PDE1A: variants seen among roughly 807,000 people sequenced by gnomAD.
PDE1A encodes phosphodiesterase 1A.
Under a neutral mutation model 61.7 loss-of-function variants are expected in PDE1A, and 35 were observed. The observed-to-expected ratio is 0.57, with a 90% confidence interval of 0.43 to 0.75. The LOEUF is 0.75. PDE1A is among the 30% of genes least tolerant of loss of function. PDE1A has a pLI of 0.00. For synonymous variants in PDE1A, 232 were observed against 213.2 expected, an observed-to-expected ratio of 1.09 and a Z score of -0.77; for missense variants, 597 against 630.6, an observed-to-expected ratio of 0.95 and a Z score of 0.57.
At chr2:182,483,349 C>T (rs979936854) in intron 2 of PDE1A, among the ~76,000 whole-genome samples, 1 of 151,854 alleles carries the variant, frequency 6.6e-6, no homozygotes, top group African/African-American at 2.4e-5. Context: ...GAGAGCACTC[C>T]ACCCAACAAA....
chr2:182,684,973 A>T, the PDE1A span, among the ~76,000 whole-genome samples: 3 of 151,952 alleles, frequency 2.0e-5, no homozygotes, highest in Non-Finnish European at 4.4e-5. Flanking sequence ...CAGCAGAAAG[A>T]AGAGGAGATT....
chr2:182,407,740 T>C (rs992366682), intron 1 of PDE1A, among the ~76,000 whole-genome samples: 1 of 152,136 alleles, frequency 6.6e-6, no homozygotes, highest in African/African-American at 2.4e-5. Context: ...AAAACAGAAC[T>C]TGACCAACCA....
the PDE1A span, among the ~76,000 whole-genome samples, chr2:182,679,299 T>TTA: frequency 6.6e-6 from 1 of 151,148 alleles, no homozygotes; most frequent in African/African-American, 2.4e-5. Context: ...TTCTCCAGCC[T>TTA]TAGCCTCCCA....
chr2:182,437,464 G>C (rs13407156), intron 2 of PDE1A, among the ~76,000 whole-genome samples: 28,050 of 151,746 alleles, frequency 0.18, 2,686 homozygotes, highest in Middle Eastern at 0.32. Flanking sequence ...GACTTGTAAA[G>C]CTAAGAGTTA....
chr2:182,628,620 G>A, the PDE1A span, among the ~76,000 whole-genome samples: 2 of 151,964 alleles, frequency 1.3e-5, no homozygotes, highest in African/African-American at 2.4e-5. Context: ...GTAGAAATAC[G>A]TATTACTAAT....
chr2:182,218,891 T>G (rs1442913083), intron 7 of PDE1A, among the ~76,000 whole-genome samples: 2 of 152,090 alleles, frequency 1.3e-5, no homozygotes, highest in Non-Finnish European at 2.9e-5. Flanking sequence ...TCCTTCTGAT[T>G]TGTAATCCAG....
intron 1 of PDE1A, among the ~76,000 whole-genome samples, chr2:182,324,892 C>T (rs558336601): frequency 2.6e-5 from 4 of 152,292 alleles, no homozygotes; most frequent in South Asian, 2.1e-4. Flanking sequence ...GTGTTTATTA[C>T]GTGCCAGTTG....
intron 10 of PDE1A, 46 bp from the exon 11 acceptor site, chr2:182,189,106 T>C (rs1685484308): frequency 8.0e-7 from 1 of 1,251,792 alleles, no homozygotes; most frequent in Non-Finnish European, 1.2e-6. Flanking sequence ...TTGGAGAAGC[T>C]AAAATAATGA....
intron 2 of PDE1A, among the ~76,000 whole-genome samples, chr2:182,479,596 T>C (rs886898043): frequency 6.6e-6 from 1 of 151,586 alleles, no homozygotes; most frequent in African/African-American, 2.4e-5. Context: ...GATCTAGTCC[T>C]AAAGGATAAA....
chr2:182,628,000 T>C, the PDE1A span, among the ~76,000 whole-genome samples: 1 of 151,936 alleles, frequency 6.6e-6, no homozygotes, highest in Middle Eastern at 3.4e-3. Context: ...ATTCAAATTA[T>C]TTATAATGCT....
chr2:182,573,957 T>TAA, the PDE1A span, among the ~76,000 whole-genome samples: 2 of 119,222 alleles, frequency 1.7e-5, no homozygotes, highest in Admixed American at 1.9e-4. Flanking sequence ...TTATATATAT[T>TAA]TATATATTTT....
chr2:182,564,587 T>C, the PDE1A span, among the ~76,000 whole-genome samples: 4 of 152,178 alleles, frequency 2.6e-5, no homozygotes, highest in Non-Finnish European at 4.4e-5. Flanking sequence ...TTCCTGAATC[T>C]GAATGTTGGC....
At chr2:182,285,806 G>A (rs950372497) in intron 1 of PDE1A, among the ~76,000 whole-genome samples, 1 of 152,086 alleles carries the variant, frequency 6.6e-6, no homozygotes, top group African/African-American at 2.4e-5. Flanking sequence ...CCTGGAGCCA[G>A]GCCCAGATGA....
the PDE1A span, among the ~76,000 whole-genome samples, chr2:182,665,113 A>G: frequency 6.6e-6 from 1 of 152,218 alleles, no homozygotes; most frequent in Non-Finnish European, 1.5e-5. Context: ...AATTGATAAA[A>G]TACTACAATA....
chr2:182,644,873 C>T, the PDE1A span, among the ~76,000 whole-genome samples: 1 of 151,668 alleles, frequency 6.6e-6, no homozygotes, highest in Non-Finnish European at 1.5e-5. Context: ...AATATAAACA[C>T]ATATATTTGA....
chr2:182,521,604 G>A lies in PDE1A; in HGVS notation c.101+672C>T, dbSNP rs551922658. ...CAAGCTGAATAGCATTGCAATTAAC[G>A]TCTGACTTAGGTAATTACATCCCAT... is the stretch of plus-strand genomic sequence containing the variant. On this transcript the variant is annotated intron_variant, in intron 2 of 14. Transcript: ENST00000410103. Among the ~76,000 whole-genome samples the A allele has an allele frequency of 1.2e-4, 19 of 152,068 alleles. 2 individuals are homozygous for A. In the South Asian group the frequency reaches 1.5e-3, roughly 12 times the overall value.
rs906297153 is a variant in PDE1A, at chr2:182,225,698, C to T, written c.676-1734G>A. On this transcript the variant is annotated intron_variant, in intron 6 of 13. Coordinates refer to ENST00000351439, the Ensembl canonical transcript of PDE1A. ...TTTTGGGTTAATGTATGCACTGCAC[C>T]TATCATGTCTTGTCATATGGTAAAA... is the stretch of plus-strand genomic sequence containing the variant. Among the ~76,000 whole-genome samples the T allele has an allele frequency of 7.2e-5, 10 of 139,202 alleles. 1 individual carries two copies. The highest frequency in any genetic ancestry group is 3.4e-4 in the African/African-American group (10 of 29,512). 91.3% of individuals were successfully genotyped at this position (139,202 alleles called of 152,430 possible).
At chr2:182,269,316 C>A (rs1165346055) in intron 1 of PDE1A, among the ~76,000 whole-genome samples, 1 of 151,846 alleles carries the variant, frequency 6.6e-6, no homozygotes, top group Non-Finnish European at 1.5e-5. Context: ...TGGAGAAACT[C>A]CGTCTCTACT....
chr2:182,154,909 C>T (rs184089128), intron 13 of PDE1A, among the ~76,000 whole-genome samples: 1 of 151,946 alleles, frequency 6.6e-6, no homozygotes, highest in Non-Finnish European at 1.5e-5. Context: ...AATACTACTA[C>T]TAACAAATTA....
Sources: allele counts gnomAD v4.1 joint callset (sites outside exome capture counted in the v4.1 genomes callset), GRCh38; gene constraint gnomAD v4.1.1; transcripts MANE v1.5; gene names NCBI Gene and HGNC (gene_info 2026-07-23, HGNC 2026-07-21).